The following GRIK3 variants were observed in gnomAD, a reference collection of about 807,000 sequenced individuals.
The protein encoded by GRIK3 is glutamate ionotropic receptor kainate type subunit 3, also known as glutamate receptor ionotropic, kainate 3.
Under a neutral mutation model 102.5 loss-of-function variants are expected in GRIK3, and 29 were observed. The observed-to-expected ratio is 0.28, with a 90% CI of 0.21 to 0.39. The LOEUF (loss-of-function observed/expected upper bound fraction) is 0.39. Among genes scored for constraint, GRIK3 ranks in the 10% least tolerant of loss-of-function variants. GRIK3 has a pLI of 1.00. For synonymous variants in GRIK3, 511 were observed against 504.9 expected (o/e 1.01, Z -0.16); for missense variants, 908 against 1,252.4 (o/e 0.73, Z 4.15).
chr1:36,904,661 C>A (rs903603004), intron 1 of GRIK3, among the ~76,000 whole-genome samples: 1 of 152,066 alleles, frequency 6.6e-6, no homozygotes, highest in Non-Finnish European at 1.5e-5. Context: ...ACCCATATGG[C>A]AGAACAACTT....
chr1:36,835,839 G>T (rs533758580), intron 10 of GRIK3, among the ~76,000 whole-genome samples: 26 of 152,110 alleles, frequency 1.7e-4, no homozygotes, highest in African/African-American at 6.3e-4. Flanking sequence ...TCCCCAGGCT[G>T]GTCTCTGCTC....
chr1:36,952,056 T>C (rs980189015), intron 1 of GRIK3, among the ~76,000 whole-genome samples: 3 of 151,992 alleles, frequency 2.0e-5, no homozygotes, highest in African/African-American at 7.3e-5. Flanking sequence ...GCTTTGCAGA[T>C]GCAGAAACAG....
chr1:37,016,618 T>C (rs1642654890), intron 1 of GRIK3, among the ~76,000 whole-genome samples: 1 of 152,174 alleles, frequency 6.6e-6, no homozygotes, highest in South Asian at 2.1e-4. Flanking sequence ...CATTTTACTT[T>C]TCCTTCTTAA....
chr1:36,937,114 C>A (rs952268260), intron 1 of GRIK3, among the ~76,000 whole-genome samples: 3 of 152,062 alleles, frequency 2.0e-5, no homozygotes, highest in African/African-American at 7.2e-5. Context: ...TGTGACACAG[C>A]CAGAAGGATG....
rs897211662 is a variant in GRIK3, at chr1:36,914,523, G to A, written c.116-23427C>T. Among the ~76,000 whole-genome samples the A allele has an allele frequency of 1.3e-5, 2 of 152,092 alleles. 1 individual carries two copies. Reference sequence around the variant, plus strand: ...TGGCAGAGCATCTTACTGGAAACACGCTTCTGGAAATCGCTGTGTTACAGT... The same window carrying A: ...TGGCAGAGCATCTTACTGGAAACACACTTCTGGAAATCGCTGTGTTACAGT... On this transcript the variant is annotated intron_variant, in intron 1 of 15. Transcript: ENST00000373091.
At chr1:36,836,475 G>A (rs1351503473) in intron 10 of GRIK3, among the ~76,000 whole-genome samples, 1 of 152,250 alleles carries the variant, frequency 6.6e-6, no homozygotes. Context: ...CTCCCCGTCG[G>A]TAAGAAGAGT....
At chr1:36,841,637 G>A in intron 10 of GRIK3, 99 bp downstream of exon 10, 1 of 998,026 alleles carries the variant, frequency 1.0e-6, no homozygotes, top group Non-Finnish European at 1.6e-6. Flanking sequence ...CTGTCCCCAG[G>A]GCCTTTTTCT....
intron 1 of GRIK3, among the ~76,000 whole-genome samples, chr1:37,028,551 A>G (rs1642788316): frequency 6.6e-6 from 1 of 152,164 alleles, no homozygotes; most frequent in Admixed American, 6.5e-5. Context: ...GTGCTAGTGG[A>G]ATTCAGAGTG....
chr1:37,022,098 TC>T (rs1377271482), intron 1 of GRIK3, among the ~76,000 whole-genome samples: 1 of 152,200 alleles, frequency 6.6e-6, no homozygotes, highest in Admixed American at 6.5e-5. Context: ...CCGTTGACTG[TC>T]TATACAGCCT....
At chr1:36,910,390 T>A (rs1468832502) in intron 1 of GRIK3, among the ~76,000 whole-genome samples, 1 of 152,258 alleles carries the variant, frequency 6.6e-6, no homozygotes, top group Non-Finnish European at 1.5e-5. Flanking sequence ...CGCCTCCCTG[T>A]CTGTTCTGAT....
At chr1:37,030,551 C>CT (rs1435283818) in intron 1 of GRIK3, among the ~76,000 whole-genome samples, 8 of 134,176 alleles carry the variant, frequency 6.0e-5, no homozygotes, top group African/African-American at 2.3e-4. Context: ...CACCCCCTCC[C>CT]CCCCCCCAAC....
chr1:36,875,569 T>C (rs1042249616), intron 3 of GRIK3, among the ~76,000 whole-genome samples: 4 of 152,226 alleles, frequency 2.6e-5, no homozygotes, highest in African/African-American at 7.2e-5. Context: ...CTCTCGCCCC[T>C]CTGCAATTGT....
intron 7 of GRIK3, among the ~76,000 whole-genome samples, chr1:36,856,899 C>T (rs1640658948): frequency 6.6e-6 from 1 of 152,028 alleles, no homozygotes; most frequent in Non-Finnish European, 1.5e-5. Context: ...AGTGGAACCC[C>T]ATTAGCAAAC....
intron 1 of GRIK3, among the ~76,000 whole-genome samples, chr1:36,947,979 C>T (rs1312104911): frequency 6.6e-6 from 1 of 152,200 alleles, no homozygotes; most frequent in Non-Finnish European, 1.5e-5. Context: ...CTTGACTCAT[C>T]TCCAGGACCA....
intron 1 of GRIK3, among the ~76,000 whole-genome samples, chr1:36,957,521 A>AGCCTGTGTGCTCTGAATCTGTGCCCCGTG (rs1557440535): frequency 1.2e-3 from 12 of 10,140 alleles, no homozygotes; most frequent in Admixed American, 2.5e-3. Context: ...TGTGCCCCAT[A>AGCCTGTGTGCTCTGAATCTGTGCCCCGTG]AGCCTGTGTG....
Position 36,838,494 on chromosome 1 carries a change from T to C in GRIK3, c.1530+3242A>G, listed in dbSNP as rs974989613. ...CTGATCGTGTTTATTGTTGTCCCTA[T>C]AGTTCAAGGTGACTTGCGGCAGGCG... On this transcript the variant is annotated intron_variant, in intron 10 of 15. Transcript: ENST00000373091. Among the ~76,000 whole-genome samples, 3 of 152,178 alleles carry C rather than the reference T, an allele frequency of 2.0e-5. No homozygotes were observed. In the East Asian group the frequency reaches 5.8e-4, roughly 29 times the overall value.
chr1:36,998,548 C>T (rs1312572473), intron 1 of GRIK3, among the ~76,000 whole-genome samples: 1 of 152,206 alleles, frequency 6.6e-6, no homozygotes, highest in East Asian at 1.9e-4. Context: ...CATATGACAG[C>T]AGCGTCTTCT....
intron 13 of GRIK3, among the ~76,000 whole-genome samples, chr1:36,807,262 G>C (rs942245296): frequency 2.0e-5 from 3 of 152,116 alleles, no homozygotes; most frequent in Admixed American, 1.3e-4. Context: ...GGAGGGCAAG[G>C]GCTGAGTGTC....
chr1:37,008,019 C>T (rs766443634), intron 1 of GRIK3, among the ~76,000 whole-genome samples: 1 of 152,220 alleles, frequency 6.6e-6, no homozygotes, highest in Non-Finnish European at 1.5e-5. Context: ...CAAAGGTGAA[C>T]GTGCCCAGCA....
Sources: allele counts gnomAD v4.1 joint callset (sites outside exome capture counted in the v4.1 genomes callset), GRCh38; gene constraint gnomAD v4.1.1; transcripts MANE v1.5; gene names NCBI Gene and HGNC (gene_info 2026-07-23, HGNC 2026-07-21).